The following INHBB variants were observed in gnomAD, a reference collection of about 807,000 sequenced individuals.
The protein encoded by INHBB is inhibin subunit beta B.
In INHBB, 8 loss-of-function variants were observed where a neutral mutation model predicts 28.9. That is an observed-to-expected ratio of 0.28 (90% confidence interval 0.16 to 0.50). The LOEUF is 0.50. Ranked by LOEUF, INHBB falls within the 20% of genes least tolerant of loss-of-function variation. The pLI is 0.98. For synonymous variants in INHBB, 293 were observed against 262.7 expected (o/e 1.12, Z -1.12); for missense variants, 499 against 597.8 (o/e 0.83, Z 1.72).
Position 120,350,071 on chromosome 2 carries a change from C to T in INHBB, c.*197C>T, listed in dbSNP as rs1323639757. ...ACCAGTCAAAACCAGAGCGAGAACC[C>T]TCAACTGACATGAAATACTTTAAAA... is the stretch of plus-strand genomic sequence containing the variant. On this transcript the variant is annotated 3_prime_UTR_variant, in exon 2 of 2. Transcript: ENST00000295228. The T allele has an allele frequency of 1.5e-5, 9 of 593,638 alleles. No individual in the cohort carries two copies. The South Asian group carries it at 2.0e-4, about 13-fold the overall frequency. The allele number at this position is 593,638 out of a possible 1,614,324, so 36.8% of individuals were successfully genotyped here.
intron 1 of INHBB, among the ~76,000 whole-genome samples, chr2:120,347,178 A>C (rs1015373569): frequency 6.6e-6 from 1 of 152,090 alleles, no homozygotes; most frequent in Non-Finnish European, 1.5e-5. Context: ...GGATTGCTGA[A>C]GCCTCGCTGG....
Position 120,350,679 on chromosome 2 carries a change from C to T in INHBB, c.*805C>T, listed in dbSNP as rs1691244307. ...GCTTTAACTGATCTCCAACAGTTGA[C>T]AGGTCATCCTTGCCAGTTGTATAAC... is the stretch of plus-strand genomic sequence containing the variant. On this transcript the variant is annotated 3_prime_UTR_variant, in exon 2 of 2. Transcript: ENST00000295228. The T allele has an allele frequency of 1.3e-5, 2 of 152,290 alleles. No homozygotes were observed. The highest frequency in any genetic ancestry group is 4.1e-4 in the South Asian group (2 of 4,828). The allele number at this position is 152,290 out of a possible 1,614,324, so 9.4% of individuals were successfully genotyped here. A position where few individuals can be genotyped will look rare whatever the true frequency, so the allele number is the denominator to read the frequency against.
chr2:120,350,052 C>A lies in INHBB; in HGVS notation c.*178C>A. ...TCTACAGCTTCATAGAGCAACCAGTCAAAACCAGAGCGAGAACCCTCAACT... is the reference window on the plus strand; with the variant it reads ...TCTACAGCTTCATAGAGCAACCAGTAAAAACCAGAGCGAGAACCCTCAACT... On this transcript the variant is annotated 3_prime_UTR_variant, in exon 2 of 2. Coordinates refer to ENST00000295228, the MANE Select transcript of INHBB (RefSeq NM_002193.4). The A allele has an allele frequency of 1.6e-6, 1 of 636,012 alleles. No homozygotes were observed. Among genetic ancestry groups the A allele is most frequent in the Non-Finnish European group, 2.7e-6 (1 of 374,094 alleles). The allele number at this position is 636,012 out of a possible 1,614,324, so 39.4% of individuals were successfully genotyped here. A position where few individuals can be genotyped will look rare whatever the true frequency, so the allele number is the denominator to read the frequency against.
Position 120,346,477 on chromosome 2 carries a change from G to C in INHBB, c.289G>C (p.Ala97Pro), listed in dbSNP as rs562575760. 6.4e-7 allele frequency: 1 copy of C among 1,557,174 alleles called. No individual in the cohort carries two copies. Among genetic ancestry groups the C allele is most frequent in the African/African-American group, 1.4e-5 (1 of 71,386 alleles). Residue 97 changes from alanine (A) to proline (P), a missense_variant, in exon 1 of 2, where the codon GCC becomes CCC. This residue lies in a region of INHBB where 385 missense variants were observed against 415.2 expected (regional missense o/e 0.93). Transcript: ENST00000295228. ...GCGGGGCCGGCCCAACATCACGCAC[G>C]CCGTGCCTAAGGCCGCCATGGTCAC... Reference protein sequence around the residue: ...QMRGRPNITHAVPKAAMVTAL... With the variant: ...QMRGRPNITHPVPKAAMVTAL...
chr2:120,346,744 G>A (rs1199735022), intron 1 of INHBB, 108 bp downstream of exon 1: 7 of 1,181,440 alleles, frequency 5.9e-6, no homozygotes, highest in Non-Finnish European at 7.7e-6. Context: ...CGCGCCCTGG[G>A]GCAGCCTGGA....
intron 1 of INHBB, among the ~76,000 whole-genome samples, chr2:120,347,228 G>A (rs960292799): frequency 1.3e-5 from 2 of 152,202 alleles, no homozygotes; most frequent in African/African-American, 4.8e-5. Context: ...TGTGGGCACC[G>A]GAATCGGGCG....
Position 120,349,869 on chromosome 2 carries a change from G to T in INHBB, c.1219G>T (p.Ala407Ser). Residue 407 changes from alanine (A) to serine (S), a missense_variant, in exon 2 of 2, where the codon GCC becomes TCC. By Grantham distance (99) the Ala-to-Ser change is moderately conservative. Around this residue, in one of 2 missense-constraint regions of INHBB, gnomAD observed 114 missense variants for 182.6 expected, o/e 0.62. Transcript: ENST00000295228. The surrounding 1 kb of genome is among the most constrained non-coding windows in gnomAD (Gnocchi z 5.6). ...CATGATTGTGGAGGAGTGCGGCTGC[G>T]CCTGACAGTGCAAGGCAGGGGCACG... ...PNMIVEECGC[A>S] The T allele has an allele frequency of 6.2e-7, 1 of 1,607,260 alleles. No homozygotes were observed. Among genetic ancestry groups the T allele is most frequent in the Middle Eastern group, 1.7e-4 (1 of 6,026 alleles).
At position 120,349,724 on chromosome 2, in the gene INHBB, C is replaced by T. The variant is rs1691227433; in HGVS notation, c.1074C>T (p.Tyr358=). The T allele has an allele frequency of 1.2e-6, 2 of 1,613,822 alleles. No individual in the cohort carries two copies. Among genetic ancestry groups the T allele is most frequent in the African/African-American group, 1.3e-5 (1 of 75,068 alleles). ...TCCACACGGCTGTGGTGAACCAGTACCGCATGCGGGGTCTGAACCCCGGCA... is the reference window on the plus strand; with the variant it reads ...TCCACACGGCTGTGGTGAACCAGTATCGCATGCGGGGTCTGAACCCCGGCA... ...SSFHTAVVNQ[Y]RMRGLNPGTV... is the part of the protein sequence containing the mutation. Residue 358 remains tyrosine (Y), a synonymous_variant, in exon 2 of 2, where the codon TAC becomes TAT. Transcript: ENST00000295228. This position sits in a 1 kb window ranked among gnomAD's most constrained non-coding sequence, Gnocchi z 5.6.
At position 120,351,222 on chromosome 2, in the gene INHBB, A is replaced by G. The variant is rs951429106; in HGVS notation, c.*1348A>G. ...GTGCCACGTGAACTATGCAATTTAA[A>G]GGGTTGACCCACACTAGACGAAACT... is the stretch of plus-strand genomic sequence containing the variant. On this transcript the variant is annotated 3_prime_UTR_variant, in exon 2 of 2. Transcript: ENST00000295228. 6.5e-6 allele frequency: 1 copy of G among 152,688 alleles called. No individual in the cohort carries two copies. Among genetic ancestry groups the G allele is most frequent in the African/African-American group, 2.4e-5 (1 of 41,464 alleles). The allele number at this position is 152,688 out of a possible 1,614,324, so 9.5% of individuals were successfully genotyped here. A position where few individuals can be genotyped will look rare whatever the true frequency, so the allele number is the denominator to read the frequency against.
In INHBB at chr2:120,346,350, C is replaced by T; in HGVS notation, c.162C>T (p.Thr54=). The T allele has an allele frequency of 6.8e-7, 1 of 1,467,498 alleles. No individual in the cohort carries two copies. The highest frequency in any genetic ancestry group is 9.0e-7 in the Non-Finnish European group (1 of 1,116,258). 90.9% of individuals were successfully genotyped at this position (1,467,498 alleles called of 1,614,324 possible). ...GATCCCCGGGTGGCTCGCAGGACAC[C>T]TGTACGTCGTGCGGCGGCTTCCGGC... The part of the protein sequence containing the change: ...PPGSPGGSQD[T]CTSCGGFRRP... The change falls in exon 1 of 2, where the codon ACC becomes ACT. Residue 54 remains threonine (T), a synonymous_variant. Coordinates refer to ENST00000295228, the MANE Select transcript of INHBB (RefSeq NM_002193.4).
rs774282504 is a variant in INHBB, at chr2:120,349,146, G to A, written c.496G>A (p.Glu166Lys). 1 of 1,612,924 alleles carries A rather than the reference G, an allele frequency of 6.2e-7. No individual in the cohort carries two copies. Among genetic ancestry groups the A allele is most frequent in the South Asian group, 1.1e-5 (1 of 91,018 alleles). The change falls in exon 2 of 2, where the codon GAA becomes AAA. Residue 166 changes from glutamate (E) to lysine (K), a missense_variant. Physicochemically the swap from Glu to Lys is moderately conservative, Grantham distance 56. Coordinates refer to ENST00000295228, the MANE Select transcript of INHBB (RefSeq NM_002193.4). The surrounding 1 kb of genome is among the most constrained non-coding windows in gnomAD (Gnocchi z 5.6). ...CCGCCTATACTTCTTCATCTCCAACGAAGGCAACCAGAACCTGTTTGTGGT... is the reference window on the plus strand; with the variant it reads ...CCGCCTATACTTCTTCATCTCCAACAAAGGCAACCAGAACCTGTTTGTGGT... Reference protein sequence around the residue: ...RVRLYFFISNEGNQNLFVVQA... With the variant: ...RVRLYFFISNKGNQNLFVVQA...
rs1558973919 is a variant in INHBB, at chr2:120,350,481, C to T, written c.*607C>T. ...TGCTTCAAGGCCTGGGGAGCCTGTC[C>T]TTCCATGCCCTTGTCGAGGGAAAGA... On this transcript the variant is annotated 3_prime_UTR_variant, in exon 2 of 2. Coordinates refer to ENST00000295228, the MANE Select transcript of INHBB (RefSeq NM_002193.4). The T allele has an allele frequency of 6.5e-6, 1 of 153,288 alleles. No individual in the cohort carries two copies. The highest frequency in any genetic ancestry group is 1.9e-4 in the East Asian group (1 of 5,186). 9.5% of individuals were successfully genotyped at this position (153,288 alleles called of 1,614,324 possible).
At position 120,350,810 on chromosome 2, in the gene INHBB, C is replaced by T. The variant is rs1437109219; in HGVS notation, c.*936C>T. On this transcript the variant is annotated 3_prime_UTR_variant, in exon 2 of 2. Transcript: ENST00000295228. The stretch of plus-strand genomic sequence containing the variant: ...TCTGTGCCCTTCATTGGGGACATTC[C>T]TCTAGGACTGGTTTGGGGACGGGTG... 6.6e-6 allele frequency: 1 copy of T among 152,318 alleles called. No individual in the cohort carries two copies. The highest frequency in any genetic ancestry group is 2.4e-5 in the African/African-American group (1 of 41,428). 9.4% of individuals were successfully genotyped at this position (152,318 alleles called of 1,614,324 possible).
Position 120,346,316 on chromosome 2 carries a change from C to G in INHBB, c.128C>G (p.Pro43Arg). ...ACGCCTGCCGCGCCGCCGCCACCCC[C>G]GCCACCCGGATCCCCGGGTGGCTCG... The part of the protein sequence containing the change: ...PPTPAAPPPP[P>R]PPGSPGGSQD... The change falls in exon 1 of 2, where the codon CCG (proline) becomes CGG (arginine). Residue 43 changes from proline to arginine, a missense_variant. This residue lies in a region of INHBB where 385 missense variants were observed against 415.2 expected (regional missense o/e 0.93). Transcript: ENST00000295228. 7.2e-7 allele frequency: 1 copy of G among 1,385,322 alleles called. No homozygotes were observed. Among genetic ancestry groups the G allele is most frequent in the Non-Finnish European group, 9.3e-7 (1 of 1,076,790 alleles). The allele number at this position is 1,385,322 out of a possible 1,614,324, so 85.8% of individuals were successfully genotyped here. A position where few individuals can be genotyped will look rare whatever the true frequency, so the allele number is the denominator to read the frequency against.
chr2:120,348,222 GAAAAAAAAAAA>G (rs71396084), intron 1 of INHBB, among the ~76,000 whole-genome samples: 7 of 77,842 alleles, frequency 9.0e-5, no homozygotes, highest in East Asian at 4.1e-4. Flanking sequence ...TGTTCTTCCT[GAAAAAAAAAAA>G]AAAAAAAAAA....
intron 1 of INHBB, among the ~76,000 whole-genome samples, chr2:120,348,189 C>T (rs559882424): frequency 1.4e-5 from 2 of 138,258 alleles, no homozygotes; most frequent in South Asian, 2.3e-4. Context: ...TAAAACCAGC[C>T]CTGACCACAG....
intron 1 of INHBB, among the ~76,000 whole-genome samples, chr2:120,348,894 C>T (rs1400872187): frequency 6.6e-6 from 1 of 152,074 alleles, no homozygotes; most frequent in Non-Finnish European, 1.5e-5. Flanking sequence ...CAGCCTGGTC[C>T]GGGTTTCTCA....
At chr2:120,346,922 C>A (rs948799198) in intron 1 of INHBB, among the ~76,000 whole-genome samples, 9 of 152,332 alleles carry the variant, frequency 5.9e-5, no homozygotes, top group African/African-American at 2.2e-4. Context: ...GGGCGCGCGT[C>A]CCCCTCCCGG....
At position 120,347,561 on chromosome 2, in the gene INHBB, G is replaced by A. The variant is rs567964595; in HGVS notation, c.448+925G>A. 5.2e-4 allele frequency among the ~76,000 whole-genome samples: 79 copies of A among 152,364 alleles called. 3 individuals carry two copies. The highest frequency in any genetic ancestry group is 1.8e-3 in the African/African-American group (75 of 41,598). On this transcript the variant is annotated intron_variant, in intron 1 of 1. Transcript: ENST00000295228. ...TCCTTTTCAGGACTTGAATGAGCCA[G>A]GCTGGCTTTTGTGCCTGGAGCTCGG...
Sources: allele counts gnomAD v4.1 joint callset (sites outside exome capture counted in the v4.1 genomes callset), GRCh38; gene constraint gnomAD v4.1.1; regional missense constraint gnomAD v4.1.1; non-coding constraint Gnocchi (gnomAD v3.1); transcripts MANE v1.5; gene names NCBI Gene and HGNC (gene_info 2026-07-23, HGNC 2026-07-21).